The following ORC3 variants were observed in gnomAD, a reference collection of about 807,000 sequenced individuals.
The protein encoded by ORC3 is homolog of latheo, Drosophila.
In ORC3, 78 loss-of-function variants were observed where a neutral mutation model predicts 100.7. The ratio of observed to expected loss-of-function variants is 0.77; its 90% CI spans 0.65 to 0.94. The LOEUF (loss-of-function observed/expected upper bound fraction) is 0.94. Among genes scored for constraint, ORC3 ranks in the 40% least tolerant of loss-of-function variants. ORC3 has a pLI of 0.00. For missense variants in ORC3, 789 were observed against 823.9 expected (o/e 0.96, Z 0.52); for synonymous variants, 295 against 289.3 (o/e 1.02, Z -0.20).
In ORC3 at chr6:87,644,079, C is replaced by CTTTTTTTTTTTTTTTTTTTT. The variant is rs1156943778; in HGVS notation, c.1382+7605_1382+7624dup. ...CCACAGATACAGATGGCTGACTGTC[C>CTTTTTTTTTTTTTTTTTTTT]TTTTTTTTTTTTTTTTTTTTTTTTT... On this transcript the variant is annotated intron_variant, in intron 13 of 19. Transcript: ENST00000392844. 3.9e-5 allele frequency among the ~76,000 whole-genome samples: 2 copies of CTTTTTTTTTTTTTTTTTTTT among 51,426 alleles called. 1 individual carries two copies. The highest frequency in any genetic ancestry group is 1.9e-4 in the African/African-American group (2 of 10,522). 33.7% of individuals were successfully genotyped at this position (51,426 alleles called of 152,430 possible).
intron 13 of ORC3, among the ~76,000 whole-genome samples, chr6:87,637,504 A>AT (rs1450120867): frequency 6.6e-6 from 1 of 152,210 alleles, no homozygotes; most frequent in Non-Finnish European, 1.5e-5. Flanking sequence ...AAACCAAAAA[A>AT]TCCCAATAAG....
intron 16 of ORC3, among the ~76,000 whole-genome samples, chr6:87,660,463 C>G (rs1022306312): frequency 6.6e-6 from 1 of 152,184 alleles, no homozygotes; most frequent in African/African-American, 2.4e-5. Flanking sequence ...TCTACACTGC[C>G]CTCAACAGCC....
intron 12 of ORC3, among the ~76,000 whole-genome samples, chr6:87,636,007 C>G (rs1367450063): frequency 6.7e-6 from 1 of 149,986 alleles, no homozygotes; most frequent in African/African-American, 2.5e-5. Context: ...TGCAGTGGCG[C>G]AATCTCGGCT....
chr6:87,600,740 G>C (rs1319371541), intron 2 of ORC3, among the ~76,000 whole-genome samples: 2 of 151,994 alleles, frequency 1.3e-5, no homozygotes, highest in African/African-American at 2.4e-5. Flanking sequence ...AATAAAGGAG[G>C]GTTTTTCAAA....
chr6:87,655,293 C>T (rs1238629122), intron 14 of ORC3, among the ~76,000 whole-genome samples: 1 of 151,768 alleles, frequency 6.6e-6, no homozygotes, highest in Non-Finnish European at 1.5e-5. Flanking sequence ...TCAAGTAATC[C>T]TCCTGCCTCC....
At chr6:87,657,892 C>A in intron 15 of ORC3, 29 bp from the exon 16 acceptor site, 1 of 1,248,086 alleles carries the variant, frequency 8.0e-7, no homozygotes, top group Non-Finnish European at 1.2e-6. Context: ...CTGAGGATCA[C>A]CAGAAAAGCT....
downstream of ORC3, among the ~76,000 whole-genome samples, chr6:87,670,989 T>C (rs185859968): frequency 7.6e-4 from 115 of 152,296 alleles, no homozygotes; most frequent in Non-Finnish European, 1.5e-3. Flanking sequence ...ACAAAAATCC[T>C]ATGCTGGAAA....
At chr6:87,632,668 G>C (rs1767518057) in intron 11 of ORC3, among the ~76,000 whole-genome samples, 1 of 152,104 alleles carries the variant, frequency 6.6e-6, no homozygotes, top group South Asian at 2.1e-4. Context: ...ATCAAGACCA[G>C]CCTGGCCAAC....
At chr6:87,656,682 T>C (rs1462178592) in intron 14 of ORC3, among the ~76,000 whole-genome samples, 1 of 152,238 alleles carries the variant, frequency 6.6e-6, no homozygotes, top group Non-Finnish European at 1.5e-5. Context: ...GGTTACACTT[T>C]TAAAATTCAG....
chr6:87,616,233 T>C lies in ORC3; in HGVS notation c.874-81T>C, dbSNP rs1583048602. On this transcript the variant is annotated intron_variant, in intron 8 of 19. Transcript: ENST00000392844. ...TTAACTGTGTCATAATATCATTCTT[T>C]GCCTCATTATTAATACTTAGTATTT... 3.0e-5 allele frequency: 16 copies of C among 541,610 alleles called. No homozygotes were observed. The East Asian group carries it at 4.7e-4, about 16-fold the overall frequency. 33.6% of individuals were successfully genotyped at this position (541,610 alleles called of 1,614,324 possible).
At chr6:87,622,045 T>C in intron 11 of ORC3, 32 bp downstream of exon 11, 1 of 1,408,290 alleles carries the variant, frequency 7.1e-7, no homozygotes, top group Non-Finnish European at 1.0e-6. Flanking sequence ...AGTTTCATTC[T>C]CTTTTTCCTT....
Position 87,616,356 on chromosome 6 carries a change from G to T in ORC3, c.916G>T (p.Val306Leu). 2 of 1,540,368 alleles carry T rather than the reference G, an allele frequency of 1.3e-6. No individual in the cohort carries two copies. The highest frequency in any genetic ancestry group is 1.8e-6 in the Non-Finnish European group (2 of 1,113,832). ...TQFPFKINEK[V>L]LQVLTNIFLY... ...GTTTCCCTTTAAAATAAATGAAAAA[G>T]TATTACAGGTTCTGACCAACATCTT... Residue 306 changes from valine to leucine, a missense_variant, in exon 9 of 20, where the codon GTA (valine) becomes TTA (leucine). Coordinates refer to ENST00000392844, the MANE Select transcript of ORC3 (RefSeq NM_012381.4).
chr6:87,611,971 C>A, intron 7 of ORC3, 118 bp from the exon 8 acceptor site: 1 of 899,930 alleles, frequency 1.1e-6, no homozygotes, highest in Non-Finnish European at 1.7e-6. Context: ...CAATGATAAT[C>A]CTTAACAGTG....
intron 5 of ORC3, among the ~76,000 whole-genome samples, chr6:87,606,556 G>A (rs1271413780): frequency 6.6e-6 from 1 of 151,520 alleles, no homozygotes; most frequent in African/African-American, 2.4e-5. Context: ...TTTGAGACAG[G>A]GTCTCACTCT....
chr6:87,656,632 G>C (rs1769718466), intron 14 of ORC3, among the ~76,000 whole-genome samples: 1 of 152,008 alleles, frequency 6.6e-6, no homozygotes, highest in Non-Finnish European at 1.5e-5. Context: ...GTTGGTTTGA[G>C]GGAGTTTTGT....
chr6:87,675,802 C>G, the ORC3 span: 1 of 1,523,904 alleles, frequency 6.6e-7, no homozygotes. Context: ...ATTATAATGT[C>G]TTCTCCTTAA....
At chr6:87,662,267 A>G (rs1431101596) in intron 16 of ORC3, among the ~76,000 whole-genome samples, 1 of 152,174 alleles carries the variant, frequency 6.6e-6, no homozygotes, top group Non-Finnish European at 1.5e-5. Context: ...TCTATTAAAA[A>G]TACAAAAATT....
intron 16 of ORC3, among the ~76,000 whole-genome samples, chr6:87,659,881 C>T (rs967885072): frequency 4.1e-5 from 6 of 147,976 alleles, no homozygotes; most frequent in African/African-American, 1.0e-4. Context: ...GACTCCATCT[C>T]GAGAAAAAAA....
At position 87,618,416 on chromosome 6, in the gene ORC3, C is replaced by CA. The variant is rs10687033; in HGVS notation, c.987+2002dup. Among the ~76,000 whole-genome samples the CA allele has an allele frequency of 1.3e-3, 178 of 140,558 alleles. 1 individual carries two copies. The highest frequency in any genetic ancestry group is 3.5e-3 in the Middle Eastern group (1 of 284). 92.2% of individuals were successfully genotyped at this position (140,558 alleles called of 152,430 possible). ...TGGGCAACAGTGTGAGGCTCCATCTCAAAAAAAAAAAAAGAAATCTCTGCC... is the reference window on the plus strand; with the variant it reads ...TGGGCAACAGTGTGAGGCTCCATCTCAAAAAAAAAAAAAAGAAATCTCTGCC... On this transcript the variant is annotated intron_variant, in intron 9 of 19. Coordinates refer to ENST00000392844, the MANE Select transcript of ORC3 (RefSeq NM_012381.4).
Sources: gnomAD v4.1 joint callset for allele counts (sites outside exome capture counted in the v4.1 genomes callset) on GRCh38, gnomAD v4.1.1 for gene constraint, MANE v1.5 for transcripts, NCBI Gene and HGNC (gene_info 2026-07-23, HGNC 2026-07-21) for gene names.